RANBP2: variants seen among roughly 807,000 people sequenced by gnomAD.
The protein encoded by RANBP2 is E3 SUMO-protein ligase RanBP2.
In RANBP2, 57 loss-of-function variants were observed where a neutral mutation model predicts 303.6. The ratio of observed to expected loss-of-function variants is 0.19; its 90% confidence interval spans 0.15 to 0.23. The LOEUF (loss-of-function observed/expected upper bound fraction) is 0.23, where lower values mean the gene tolerates loss of function less well. Among genes scored for constraint, RANBP2 ranks in the 10% least tolerant of loss-of-function variants. The probability of loss-of-function intolerance (pLI) is 1.00; values close to 1 mark genes in which losing one functional copy is unlikely to be tolerated. For synonymous variants in RANBP2, 1,167 were observed against 1,301.5 expected, an observed-to-expected ratio of 0.90 and a Z score of 2.23; for missense variants, 3,138 against 3,780.8, an observed-to-expected ratio of 0.83 and a Z score of 4.46.
the RANBP2 span, among the ~76,000 whole-genome samples, chr2:109,171,230 G>A: frequency 1.3e-5 from 2 of 152,156 alleles, no homozygotes; most frequent in African/African-American, 4.8e-5. Context: ...CCATATTATG[G>A]CTGTATTTGC....
the RANBP2 span, among the ~76,000 whole-genome samples, chr2:109,515,343 G>T: frequency 6.6e-6 from 1 of 152,186 alleles, no homozygotes; most frequent in African/African-American, 2.4e-5. Context: ...GGGCCTGCAG[G>T]CTGGGGGCAG....
the RANBP2 span, chr2:109,667,234 C>A: frequency 1.0e-6 from 1 of 975,666 alleles, no homozygotes; most frequent in Non-Finnish European, 1.6e-6. Flanking sequence ...CAAGCAAACG[C>A]AGGCAAGGTG....
At chr2:109,708,862 G>C in the RANBP2 span, among the ~76,000 whole-genome samples, 1 of 151,830 alleles carries the variant, frequency 6.6e-6, no homozygotes, top group Admixed American at 6.6e-5. Flanking sequence ...TGTAATCCCA[G>C]CTACTTGGGA....
chr2:109,194,585 G>C, the RANBP2 span, among the ~76,000 whole-genome samples: 5 of 152,320 alleles, frequency 3.3e-5, no homozygotes, highest in South Asian at 2.1e-4. Context: ...CGGGCGGGCT[G>C]GGTAGGGAGG....
At chr2:109,022,920 G>A in the RANBP2 span, among the ~76,000 whole-genome samples, 3 of 152,072 alleles carry the variant, frequency 2.0e-5, no homozygotes, top group Admixed American at 6.5e-5. Flanking sequence ...GCGTGGTGGT[G>A]AGTGCCTGTA....
the RANBP2 span, among the ~76,000 whole-genome samples, chr2:109,294,608 T>C: frequency 6.7e-6 from 1 of 149,314 alleles, no homozygotes. Context: ...AAAAAAGAAT[T>C]GCTGTGAGAG....
the RANBP2 span, among the ~76,000 whole-genome samples, chr2:108,850,352 C>A: frequency 3.3e-5 from 5 of 152,190 alleles, no homozygotes; most frequent in South Asian, 1.0e-3. Flanking sequence ...ACTGCTTAAT[C>A]CAGATATATA....
At chr2:109,108,140 C>T in the RANBP2 span, among the ~76,000 whole-genome samples, 3 of 152,160 alleles carry the variant, frequency 2.0e-5, no homozygotes, top group Non-Finnish European at 4.4e-5. Flanking sequence ...CTCCTGCCCT[C>T]GGGATCCGCC....
the RANBP2 span, among the ~76,000 whole-genome samples, chr2:108,942,623 G>A: frequency 3.3e-5 from 5 of 152,254 alleles, no homozygotes; most frequent in African/African-American, 1.2e-4. Context: ...TGAGGCGGGC[G>A]GTTCCGCCAC....
the RANBP2 span, among the ~76,000 whole-genome samples, chr2:109,580,432 C>A: frequency 6.6e-6 from 1 of 150,696 alleles, no homozygotes; most frequent in African/African-American, 2.4e-5. Context: ...AAAGGAATTT[C>A]TTTATTTTAT....
chr2:109,283,114 T>A, the RANBP2 span, among the ~76,000 whole-genome samples: 1 of 152,094 alleles, frequency 6.6e-6, no homozygotes, highest in East Asian at 1.9e-4. Context: ...TGGCAGATGA[T>A]CAATCCTGAA....
the RANBP2 span, among the ~76,000 whole-genome samples, chr2:109,690,522 T>C: frequency 2.5e-3 from 387 of 152,322 alleles, 1 homozygote; most frequent in Non-Finnish European, 4.7e-3. Flanking sequence ...CTTAGTGATT[T>C]AGGGGCCTCA....
chr2:108,853,978 T>A, the RANBP2 span, among the ~76,000 whole-genome samples: 5 of 12,764 alleles, frequency 3.9e-4, no homozygotes, highest in African/African-American at 6.7e-4. Flanking sequence ...ATATATATAA[T>A]ATATAATATA....
At chr2:109,244,174 A>C in the RANBP2 span, among the ~76,000 whole-genome samples, 1 of 152,308 alleles carries the variant, frequency 6.6e-6, no homozygotes, top group East Asian at 1.9e-4. Context: ...TGAAGGATGT[A>C]CTATTTATGG....
chr2:108,809,231 T>G, the RANBP2 span, among the ~76,000 whole-genome samples: 1 of 152,200 alleles, frequency 6.6e-6, no homozygotes, highest in African/African-American at 2.4e-5. Context: ...TTGTAGTATA[T>G]TTTGAGTTTA....
At chr2:108,842,202 GTTTT>G in the RANBP2 span, among the ~76,000 whole-genome samples, 1 of 142,154 alleles carries the variant, frequency 7.0e-6, no homozygotes, top group Non-Finnish European at 1.5e-5. Context: ...TAATTAAAAA[GTTTT>G]TTTTTTTTTT....
chr2:108,927,388 C>T, the RANBP2 span, among the ~76,000 whole-genome samples: 10 of 152,204 alleles, frequency 6.6e-5, no homozygotes, highest in Middle Eastern at 3.2e-3. Flanking sequence ...TGTCCACATT[C>T]GCCTGAATTC....
At chr2:109,609,329 G>A in the RANBP2 span, among the ~76,000 whole-genome samples, 1 of 138,646 alleles carries the variant, frequency 7.2e-6, no homozygotes, top group South Asian at 2.4e-4. Flanking sequence ...TGGCTATGGA[G>A]GATACAAAGA....
the RANBP2 span, among the ~76,000 whole-genome samples, chr2:109,360,029 T>G: frequency 1.3e-5 from 2 of 149,970 alleles, no homozygotes; most frequent in African/African-American, 4.9e-5. Flanking sequence ...ACCCACTTAC[T>G]GGTCCCTTAA....
Sources: gnomAD v4.1 joint callset for allele counts (sites outside exome capture counted in the v4.1 genomes callset) on GRCh38, gnomAD v4.1.1 for gene constraint, MANE v1.5 for transcripts, NCBI Gene and HGNC (gene_info 2026-07-23, HGNC 2026-07-21) for gene names.